Variants in ELOVL2 observed in about 807,000 individuals in gnomAD.
ELOVL2 encodes the protein ELOVL fatty acid elongase 2.
In ELOVL2, 38 loss-of-function variants were observed where a neutral mutation model predicts 37.7. The ratio of observed to expected loss-of-function variants is 1.01; its 90% CI spans 0.78 to 1.32. ELOVL2 has a LOEUF of 1.32. Ranked by LOEUF, ELOVL2 falls within the 40% of genes most tolerant of loss-of-function variation. The pLI is 0.00. For synonymous variants in ELOVL2, 115 were observed against 122.3 expected (o/e 0.94, Z 0.40); for missense variants, 352 against 363.6 (o/e 0.97, Z 0.26).
chr6:10,996,573 G>T (rs1267295408), intron 4 of ELOVL2, among the ~76,000 whole-genome samples: 1 of 152,130 alleles, frequency 6.6e-6, no homozygotes, highest in South Asian at 2.1e-4. Context: ...AGGAGGCTGA[G>T]GCAGGAGAAT....
chr6:11,038,438 G>A (rs909051596), intron 1 of ELOVL2, among the ~76,000 whole-genome samples: 4 of 151,784 alleles, frequency 2.6e-5, no homozygotes, highest in Admixed American at 6.6e-5. Flanking sequence ...CCAAGATTGC[G>A]CTACTGCACT....
At chr6:11,022,443 A>C (rs1782777636) in intron 1 of ELOVL2, among the ~76,000 whole-genome samples, 2 of 152,212 alleles carry the variant, frequency 1.3e-5, no homozygotes, top group Non-Finnish European at 2.9e-5. Context: ...TGGCGTGAAA[A>C]AGACAGACCA....
chr6:10,986,358 T>G (rs1581856193), intron 7 of ELOVL2, among the ~76,000 whole-genome samples: 1 of 152,206 alleles, frequency 6.6e-6, no homozygotes, highest in Non-Finnish European at 1.5e-5. Flanking sequence ...CCTGCCTAAT[T>G]GCCCTGGCCA....
At position 11,005,511 on chromosome 6, in the gene ELOVL2, AAGGT is replaced by A. The variant is rs1490101671; in HGVS notation, c.112_115del (p.Thr38PhefsTer18). ...GAGCAGATACATGACAGTAAGAAAA[AAGGT>A]AGGAAGGTAAGAGTCCAACATGAAC... On this transcript the variant is annotated frameshift_variant, in exon 3 of 8. Coordinates refer to ENST00000354666, the MANE Select transcript of ELOVL2 (RefSeq NM_017770.4). LOFTEE classifies it high-confidence loss of function. The A allele has an allele frequency of 3.7e-6, 6 of 1,614,160 alleles. No homozygotes were observed. The highest frequency in any genetic ancestry group is 4.2e-6 in the Non-Finnish European group (5 of 1,180,008).
intron 5 of ELOVL2, among the ~76,000 whole-genome samples, chr6:10,990,684 CAG>C (rs963763301): frequency 6.6e-5 from 10 of 151,108 alleles, no homozygotes; most frequent in East Asian, 1.9e-4. Flanking sequence ...CCCCGCCACA[CAG>C]GGGAACACCT....
At position 10,982,675 on chromosome 6, in the gene ELOVL2, T is replaced by C. The variant is rs1376773121; in HGVS notation, c.*1106A>G. ...GTGCTGAGTTTGCCAAACTGGCATTTTTTATCGTGGCTCATGACCGGCCCA... is the reference window on the plus strand; with the variant it reads ...GTGCTGAGTTTGCCAAACTGGCATTCTTTATCGTGGCTCATGACCGGCCCA... On this transcript the variant is annotated 3_prime_UTR_variant, in exon 8 of 8. Coordinates refer to ENST00000354666, the MANE Select transcript of ELOVL2 (RefSeq NM_017770.4). 6.6e-6 allele frequency: 1 copy of C among 152,174 alleles called. No individual in the cohort carries two copies. The highest frequency in any genetic ancestry group is 1.9e-4 in the East Asian group (1 of 5,194). The allele number at this position is 152,174 out of a possible 1,614,324, so 9.4% of individuals were successfully genotyped here.
intron 1 of ELOVL2, among the ~76,000 whole-genome samples, chr6:11,026,238 G>A (rs3798717): frequency 0.21 from 32,133 of 152,072 alleles, 4,578 homozygotes; most frequent in East Asian, 0.64. Flanking sequence ...AAATAAGTGT[G>A]TATTGGGTTT....
chr6:11,002,004 C>G (rs1782395310), intron 3 of ELOVL2, among the ~76,000 whole-genome samples: 1 of 152,184 alleles, frequency 6.6e-6, no homozygotes, highest in Non-Finnish European at 1.5e-5. Context: ...AACATTCTTG[C>G]CAACTCACCC....
chr6:11,002,806 C>A (rs1782413506), intron 3 of ELOVL2, among the ~76,000 whole-genome samples: 1 of 152,218 alleles, frequency 6.6e-6, no homozygotes. Context: ...ATAGGCTCTT[C>A]AAGTGTAGAA....
At chr6:11,042,353 G>T (rs866548309) in intron 1 of ELOVL2, among the ~76,000 whole-genome samples, 31 of 151,294 alleles carry the variant, frequency 2.0e-4, no homozygotes, top group African/African-American at 7.5e-4. Flanking sequence ...TTTGGATTTG[G>T]GTATTAAAAA....
chr6:11,020,947 T>C (rs913547660), intron 1 of ELOVL2, among the ~76,000 whole-genome samples: 2 of 152,234 alleles, frequency 1.3e-5, no homozygotes, highest in Non-Finnish European at 2.9e-5. Flanking sequence ...TGTGCTATAG[T>C]AGTTTGGATG....
At chr6:10,997,950 C>T (rs1432833278) in intron 4 of ELOVL2, among the ~76,000 whole-genome samples, 3 of 151,914 alleles carry the variant, frequency 2.0e-5, no homozygotes, top group Non-Finnish European at 4.4e-5. Flanking sequence ...AAATGTCATC[C>T]CCAATGTCGG....
Position 11,000,105 on chromosome 6 carries a change from T to C in ELOVL2, c.315A>G (p.Ala105=). The change falls in exon 4 of 8, where the codon GCA becomes GCG. Residue 105 remains alanine, a synonymous_variant. Transcript: ENST00000354666. ...YNLQCQDLTS[A]GEADIRVAKV... is the part of the protein sequence containing the mutation. Reference sequence around the variant, plus strand: ...GGCTCACCCGGATGTCAGCTTCCCCTGCGCTGGTAAGATCTTGACACTGTA... The same window carrying C: ...GGCTCACCCGGATGTCAGCTTCCCCCGCGCTGGTAAGATCTTGACACTGTA... 1 of 1,614,182 alleles carries C rather than the reference T, an allele frequency of 6.2e-7. No individual in the cohort carries two copies. Among genetic ancestry groups the C allele is most frequent in the Non-Finnish European group, 8.5e-7 (1 of 1,180,006 alleles).
chr6:11,041,032 C>T (rs1010486413), intron 1 of ELOVL2, among the ~76,000 whole-genome samples: 1 of 152,080 alleles, frequency 6.6e-6, no homozygotes, highest in African/African-American at 2.4e-5. Context: ...AGTTATGTCC[C>T]AATTCAATTA....
intron 1 of ELOVL2, among the ~76,000 whole-genome samples, chr6:11,030,658 A>G (rs1323395769): frequency 6.6e-6 from 1 of 151,422 alleles, no homozygotes; most frequent in Non-Finnish European, 1.5e-5. Context: ...CGCCCGGCTA[A>G]TTTTTTTGTA....
intron 1 of ELOVL2, among the ~76,000 whole-genome samples, chr6:11,020,237 A>G (rs1199161024): frequency 6.6e-6 from 1 of 152,218 alleles, no homozygotes; most frequent in African/African-American, 2.4e-5. Flanking sequence ...CTTGAAATAA[A>G]AGGTGAGAGA....
intron 4 of ELOVL2, among the ~76,000 whole-genome samples, chr6:10,999,207 T>G (rs1581864891): frequency 6.6e-6 from 1 of 152,332 alleles, no homozygotes; most frequent in Middle Eastern, 3.4e-3. Flanking sequence ...TATTTAAGTT[T>G]GTTTCCAACT....
At chr6:11,009,078 G>A (rs1782527025) in intron 2 of ELOVL2, among the ~76,000 whole-genome samples, 1 of 152,192 alleles carries the variant, frequency 6.6e-6, no homozygotes, top group Non-Finnish European at 1.5e-5. Flanking sequence ...AATATACAGT[G>A]CTGAATATGT....
At chr6:10,984,941 C>T (rs1782020455) in intron 7 of ELOVL2, among the ~76,000 whole-genome samples, 1 of 152,182 alleles carries the variant, frequency 6.6e-6, no homozygotes, top group Non-Finnish European at 1.5e-5. Flanking sequence ...GCCACACTGA[C>T]TTCCACAAGG....
Sources: allele counts gnomAD v4.1 joint callset (sites outside exome capture counted in the v4.1 genomes callset), GRCh38; gene constraint gnomAD v4.1.1; transcripts MANE v1.5; gene names NCBI Gene and HGNC (gene_info 2026-07-23, HGNC 2026-07-21).